Variants in PTPRN2 observed in about 807,000 individuals in gnomAD.
PTPRN2 encodes receptor-type tyrosine-protein phosphatase N2.
PTPRN2 carries 74 observed loss-of-function variants against 118.8 expected under a neutral mutation model. The ratio of observed to expected loss-of-function variants is 0.62; its 90% confidence interval spans 0.52 to 0.76. PTPRN2 has a LOEUF of 0.76. PTPRN2 is among the 30% of genes least tolerant of loss of function. The pLI is 0.00. For synonymous variants in PTPRN2, 641 were observed against 608.0 expected, an observed-to-expected ratio of 1.05 and a Z score of -0.80; for missense variants, 1,481 against 1,394.4, an observed-to-expected ratio of 1.06 and a Z score of -0.99.
intron 12 of PTPRN2, among the ~76,000 whole-genome samples, chr7:157,722,595 C>G (rs1014279840): frequency 3.9e-5 from 6 of 152,220 alleles, no homozygotes; most frequent in African/African-American, 9.6e-5. Context: ...CCAGAAGCAA[C>G]TCCTGCGTGG....
intron 22 of PTPRN2, among the ~76,000 whole-genome samples, chr7:157,545,984 G>A (rs535249273): frequency 8.5e-5 from 13 of 152,122 alleles, no homozygotes; most frequent in African/African-American, 3.1e-4. Flanking sequence ...GTTTAGTCTC[G>A]GGGCGATGTT....
At chr7:157,769,389 TC>T (rs1020794464) in intron 12 of PTPRN2, among the ~76,000 whole-genome samples, 2 of 152,120 alleles carry the variant, frequency 1.3e-5, no homozygotes, top group African/African-American at 2.4e-5. Flanking sequence ...CCTGGATGAC[TC>T]CCCTCATTGT....
At chr7:157,755,711 C>G (rs1366805322) in intron 12 of PTPRN2, among the ~76,000 whole-genome samples, 1 of 151,956 alleles carries the variant, frequency 6.6e-6, no homozygotes, top group Non-Finnish European at 1.5e-5. Context: ...ATGACAGACA[C>G]TGGGGACCCC....
intron 2 of PTPRN2, among the ~76,000 whole-genome samples, chr7:158,399,788 G>C (rs1022470909): frequency 3.3e-5 from 5 of 152,242 alleles, no homozygotes; most frequent in Non-Finnish European, 7.3e-5. Flanking sequence ...TCACCAGCCA[G>C]CTCCTACTGC....
chr7:157,679,039 A>G (rs1796796944), intron 13 of PTPRN2, among the ~76,000 whole-genome samples: 1 of 152,178 alleles, frequency 6.6e-6, no homozygotes, highest in Non-Finnish European at 1.5e-5. Flanking sequence ...GGTACCAAAA[A>G]TCACAATTCT....
chr7:157,594,319 G>T (rs969381191), intron 17 of PTPRN2, among the ~76,000 whole-genome samples: 4 of 152,216 alleles, frequency 2.6e-5, no homozygotes, highest in African/African-American at 9.6e-5. Flanking sequence ...CAACTCCGGT[G>T]CACAGCGACA....
intron 10 of PTPRN2, among the ~76,000 whole-genome samples, chr7:158,096,717 A>G (rs1176355882): frequency 6.6e-6 from 1 of 152,200 alleles, no homozygotes; most frequent in Non-Finnish European, 1.5e-5. Flanking sequence ...TGGGAAGGAG[A>G]GTTACATAAC....
At chr7:158,031,521 C>T (rs955572603) in intron 11 of PTPRN2, among the ~76,000 whole-genome samples, 2 of 152,166 alleles carry the variant, frequency 1.3e-5, no homozygotes, top group African/African-American at 4.8e-5. Context: ...ATTTAGAAAG[C>T]CCTTTAAGCT....
At chr7:158,387,899 C>G (rs1302291474) in intron 2 of PTPRN2, among the ~76,000 whole-genome samples, 1 of 152,172 alleles carries the variant, frequency 6.6e-6, no homozygotes, top group Non-Finnish European at 1.5e-5. Flanking sequence ...ACCCGCCAGG[C>G]CCCCAATCGG....
At chr7:157,978,431 G>A (rs1369305774) in intron 11 of PTPRN2, among the ~76,000 whole-genome samples, 8 of 152,014 alleles carry the variant, frequency 5.3e-5, no homozygotes, top group Non-Finnish European at 1.0e-4. Context: ...GGGACCATTC[G>A]GGAAATTGTT....
chr7:158,162,973 A>C (rs1822501620), intron 6 of PTPRN2, among the ~76,000 whole-genome samples: 1 of 152,138 alleles, frequency 6.6e-6, no homozygotes, highest in Admixed American at 6.5e-5. Context: ...GTTCCCTGGC[A>C]TTATCACAGG....
intron 10 of PTPRN2, among the ~76,000 whole-genome samples, chr7:158,089,559 ACCTTCTTCC>A (rs1813828263): frequency 8.9e-6 from 1 of 112,710 alleles, no homozygotes; most frequent in African/African-American, 3.5e-5. Context: ...CTTCACACAA[ACCTTCTTCC>A]CCTGATGAAA....
At chr7:158,477,850 C>A (rs1258527118) in intron 2 of PTPRN2, among the ~76,000 whole-genome samples, 1 of 152,226 alleles carries the variant, frequency 6.6e-6, no homozygotes, top group Admixed American at 6.5e-5. Flanking sequence ...CTCAGCCAAG[C>A]CACGGCCAGG....
chr7:158,141,961 C>T lies in PTPRN2; in HGVS notation c.911-3446G>A, dbSNP rs1819425638. ...TGGGCGTTCACTGCCACCGATGTCC[C>T]CTGCTGGGGTGGCCGAGTGCCCCGC... On this transcript the variant is annotated intron_variant, in intron 6 of 22. Coordinates refer to ENST00000389418, the MANE Select transcript of PTPRN2 (RefSeq NM_002847.5). Among the ~76,000 whole-genome samples, 11 of 152,192 alleles carry T rather than the reference C, an allele frequency of 7.2e-5. No individual in the cohort carries two copies. In the South Asian group the frequency reaches 2.1e-3, roughly 29 times the overall value.
rs1220048738 is a variant in PTPRN2 at position 157,619,853 on chromosome 7, G to A, written c.2344+1509C>T. Among the ~76,000 whole-genome samples, 1 of 152,234 alleles carries A rather than the reference G, an allele frequency of 6.6e-6. No homozygotes were observed. Among genetic ancestry groups the A allele is most frequent in the Admixed American group, 6.5e-5 (1 of 15,286 alleles). ...GGGCTGTGCTGCTGGTACGGGGACAGGCGGTGTCTCAGGGACACCAGTCTG... is the reference window on the plus strand; with the variant it reads ...GGGCTGTGCTGCTGGTACGGGGACAAGCGGTGTCTCAGGGACACCAGTCTG... On this transcript the variant is annotated intron_variant, in intron 15 of 22. Transcript: ENST00000389418. This position sits in a 1 kb window ranked among gnomAD's most constrained non-coding sequence, Gnocchi z 5.3.
chr7:158,386,578 A>G (rs1043888714), intron 2 of PTPRN2, among the ~76,000 whole-genome samples: 1 of 152,202 alleles, frequency 6.6e-6, no homozygotes, highest in African/African-American at 2.4e-5. Context: ...AGATGGGGCC[A>G]GTGGGGACAT....
At chr7:157,555,594 C>T (rs1442397362) in intron 21 of PTPRN2, among the ~76,000 whole-genome samples, 4 of 152,218 alleles carry the variant, frequency 2.6e-5, no homozygotes, top group African/African-American at 7.2e-5. Flanking sequence ...GCATGGCTTC[C>T]GGCAGCCTGT....
intron 13 of PTPRN2, among the ~76,000 whole-genome samples, chr7:157,670,715 A>G (rs1260590161): frequency 6.6e-6 from 1 of 152,208 alleles, no homozygotes; most frequent in Non-Finnish European, 1.5e-5. Context: ...GGGCTTCCAA[A>G]AAAGTCAGTG....
intron 11 of PTPRN2, among the ~76,000 whole-genome samples, chr7:158,053,455 C>T (rs946681080): frequency 6.6e-6 from 1 of 152,142 alleles, no homozygotes; most frequent in East Asian, 1.9e-4. Flanking sequence ...AAGGGGAAAA[C>T]AGCGAAGACA....
Sources: gnomAD v4.1 joint callset for allele counts (sites outside exome capture counted in the v4.1 genomes callset) on GRCh38, gnomAD v4.1.1 for gene constraint, Gnocchi (gnomAD v3.1) non-coding constraint, MANE v1.5 for transcripts, NCBI Gene and HGNC (gene_info 2026-07-23, HGNC 2026-07-21) for gene names.